The following ERC1 variants were observed in gnomAD, a reference collection of about 807,000 sequenced individuals.
ERC1 encodes ELKS/RAB6-interacting/CAST family member 1.
In ERC1, 56 loss-of-function variants were observed where a neutral mutation model predicts 132.0. The observed-to-expected ratio is 0.42, with a 90% confidence interval of 0.34 to 0.53. The LOEUF is 0.53. ERC1 is among the 20% of genes least tolerant of loss of function. ERC1 has a pLI of 0.03. For synonymous variants in ERC1, 478 were observed against 476.1 expected, an observed-to-expected ratio of 1.00 and a Z score of -0.05; for missense variants, 1,202 against 1,349.9, an observed-to-expected ratio of 0.89 and a Z score of 1.72.
At chr12:1,449,399 A>G (rs938853222) in intron 18 of ERC1, among the ~76,000 whole-genome samples, 2 of 152,132 alleles carry the variant, frequency 1.3e-5, no homozygotes, top group Non-Finnish European at 2.9e-5. Context: ...AGTTCCCATC[A>G]TCCCCACGTG....
chr12:1,462,919 T>C (rs2093670919), intron 18 of ERC1, among the ~76,000 whole-genome samples: 1 of 150,696 alleles, frequency 6.6e-6, no homozygotes, highest in African/African-American at 2.5e-5. Flanking sequence ...ATAATTTTTC[T>C]CTAGAGTACA....
chr12:1,325,477 A>C (rs1221058143), intron 15 of ERC1, among the ~76,000 whole-genome samples: 2 of 152,216 alleles, frequency 1.3e-5, no homozygotes, highest in Non-Finnish European at 2.9e-5. Flanking sequence ...GTAAGAAAAC[A>C]GTCCTTAGGA....
In ERC1 at chr12:1,341,069, C is replaced by CTTTTTTTTTTTTTTTTTTTTTTTTTT. The variant is rs35902573; in HGVS notation, c.2781-30747_2781-30722dup. 2.2e-3 allele frequency among the ~76,000 whole-genome samples: 136 copies of CTTTTTTTTTTTTTTTTTTTTTTTTTT among 63,142 alleles called. 33 individuals carry two copies. The highest frequency in any genetic ancestry group is 3.6e-3 in the East Asian group (5 of 1,372). The allele number at this position is 63,142 out of a possible 152,430, so 41.4% of individuals were successfully genotyped here. ...AATGTCCACTTATTCTTTTCTTTTT[C>CTTTTTTTTTTTTTTTTTTTTTTTTTT]TTTTTTTTTTTTTTTTTTTTTTTTT... On this transcript the variant is annotated intron_variant, in intron 15 of 18. Transcript: ENST00000360905.
At chr12:1,232,514 C>CT (rs2075122402) in intron 12 of ERC1, among the ~76,000 whole-genome samples, 1 of 152,118 alleles carries the variant, frequency 6.6e-6, no homozygotes, top group South Asian at 2.1e-4. Flanking sequence ...TTTAGTTTCT[C>CT]TAACTGGATA....
chr12:1,047,806 T>G (rs915966329), intron 2 of ERC1, among the ~76,000 whole-genome samples: 19 of 152,222 alleles, frequency 1.2e-4, no homozygotes, highest in Admixed American at 7.2e-4. Context: ...AAACGGGTTT[T>G]AATGGGTTTA....
In ERC1 at chr12:1,094,416, T is replaced by TC. The variant is rs1555236787; in HGVS notation, c.1087-10334_1087-10333insC. Among the ~76,000 whole-genome samples the TC allele has an allele frequency of 5.1e-3, 151 of 29,680 alleles. 1 individual carries two copies. In the Non-Finnish European group the frequency reaches 0.066, roughly 13 times the overall value. The allele number at this position is 29,680 out of a possible 152,430, so 19.5% of individuals were successfully genotyped here. On this transcript the variant is annotated intron_variant, in intron 3 of 18. Coordinates refer to ENST00000360905, the MANE Select transcript of ERC1 (RefSeq NM_178040.4). ...TTATTTAAGTTATTCCTTCTCTCTCTTTTTTTTTTTTGGCAACAGAGTCTC... is the reference window on the plus strand; with the variant it reads ...TTATTTAAGTTATTCCTTCTCTCTCTCTTTTTTTTTTTGGCAACAGAGTCTC...
chr12:1,254,496 A>T (rs990393514), intron 13 of ERC1, among the ~76,000 whole-genome samples: 6 of 151,966 alleles, frequency 3.9e-5, no homozygotes, highest in Admixed American at 3.9e-4. Context: ...TAATTTTTTT[A>T]AATTTTATTT....
chr12:1,026,157 G>A (rs535636209), intron 1 of ERC1, among the ~76,000 whole-genome samples: 1 of 152,290 alleles, frequency 6.6e-6, no homozygotes, highest in Admixed American at 6.5e-5. Context: ...AATCATGGCA[G>A]AAGGCGAATG....
intron 18 of ERC1, among the ~76,000 whole-genome samples, chr12:1,460,958 C>CTTTTTTTTTTTTTTTTTTTTTTTTTTT (rs35505633): frequency 1.5e-5 from 1 of 64,912 alleles, no homozygotes; most frequent in African/African-American, 6.1e-5. Flanking sequence ...TGAGGAGGCC[C>CTTTTTTTTTTTTTTTTTTTTTTTTTTT]TTTTTTTTTT....
intron 14 of ERC1, among the ~76,000 whole-genome samples, chr12:1,281,903 A>G (rs1335542673): frequency 6.6e-6 from 1 of 152,148 alleles, no homozygotes; most frequent in East Asian, 1.9e-4. Context: ...ACTGAGGGTC[A>G]TAGCAGCAGG....
intron 8 of ERC1, among the ~76,000 whole-genome samples, chr12:1,144,614 GTATATATATA>G (rs142846830): frequency 9.1e-5 from 12 of 132,296 alleles, no homozygotes; most frequent in African/African-American, 3.7e-4. Flanking sequence ...GAATTTTGTG[GTATATATATA>G]TATATATATA....
chr12:1,223,918 T>C (rs1414087667), intron 12 of ERC1, among the ~76,000 whole-genome samples: 1 of 152,156 alleles, frequency 6.6e-6, no homozygotes, highest in Non-Finnish European at 1.5e-5. Context: ...CCATGGCACC[T>C]CACGATAGGA....
intron 13 of ERC1, chr12:1,244,729 G>A (rs557087016): frequency 3.3e-4 from 118 of 352,994 alleles, no homozygotes; most frequent in African/African-American, 2.1e-3. Flanking sequence ...GTTTCACCAT[G>A]TTGGCCAGGC....
intron 10 of ERC1, among the ~76,000 whole-genome samples, chr12:1,182,710 G>A (rs1408406923): frequency 6.6e-6 from 1 of 151,666 alleles, no homozygotes; most frequent in African/African-American, 2.4e-5. Flanking sequence ...TGCCCAGGCT[G>A]GAGTGCAGTG....
intron 8 of ERC1, among the ~76,000 whole-genome samples, chr12:1,167,734 C>T (rs1305157134): frequency 3.5e-5 from 5 of 142,702 alleles, no homozygotes; most frequent in Admixed American, 7.1e-5. Context: ...TTTTTTTTTC[C>T]GAGATGGAGT....
At chr12:1,127,158 A>C (rs1948279620) in intron 7 of ERC1, among the ~76,000 whole-genome samples, 1 of 152,190 alleles carries the variant, frequency 6.6e-6, no homozygotes, top group Admixed American at 6.5e-5. Context: ...AAAGATGATG[A>C]AATACTATAT....
chr12:1,378,261 T>C (rs1404877660), intron 16 of ERC1, among the ~76,000 whole-genome samples: 1 of 152,214 alleles, frequency 6.6e-6, no homozygotes. Context: ...CCGCTCCCCG[T>C]TGGAGCAATA....
chr12:1,248,906 A>G (rs143976073), intron 13 of ERC1, among the ~76,000 whole-genome samples: 114 of 152,156 alleles, frequency 7.5e-4, no homozygotes, highest in African/African-American at 2.5e-3. Flanking sequence ...ATTTTTGGAG[A>G]CAGACTCGCT....
At chr12:1,217,016 TATG>T (rs1958491925) in intron 12 of ERC1, among the ~76,000 whole-genome samples, 2 of 152,220 alleles carry the variant, frequency 1.3e-5, no homozygotes, top group South Asian at 4.1e-4. Context: ...TGATAAAAAT[TATG>T]ATAATGCTTA....
Sources: gnomAD v4.1 joint callset for allele counts (sites outside exome capture counted in the v4.1 genomes callset) on GRCh38, gnomAD v4.1.1 for gene constraint, MANE v1.5 for transcripts, NCBI Gene and HGNC (gene_info 2026-07-23, HGNC 2026-07-21) for gene names.